SERPINA12: variants seen among roughly 807,000 people sequenced by gnomAD.
The protein encoded by SERPINA12 is serpin family A member 12.
In SERPINA12, 21 loss-of-function variants were observed where a neutral mutation model predicts 25.9. The ratio of observed to expected loss-of-function variants is 0.81; its 90% confidence interval spans 0.58 to 1.17. The LOEUF (loss-of-function observed/expected upper bound fraction) is 1.17, where lower values mean the gene tolerates loss of function less well. SERPINA12 is among the 50% of genes most tolerant of loss of function. SERPINA12 has a pLI of 0.00. For synonymous variants in SERPINA12, 220 were observed against 196.0 expected (o/e 1.12, Z -1.02); for missense variants, 562 against 508.3 (o/e 1.11, Z -1.02).
Position 94,496,367 on chromosome 14 carries a change from C to G in SERPINA12, c.905+6G>C. On this transcript the variant is annotated splice_donor_region_variant and intron_variant, in intron 3 of 4. Coordinates refer to ENST00000677451, the MANE Select transcript of SERPINA12 (RefSeq NM_001382267.1). ...AAAAGCTGCGAGGGCTAGGCACCCA[C>G]TTTACCTGCGTGACAGTAATGTTTT... 1 of 1,614,180 alleles carries G rather than the reference C, an allele frequency of 6.2e-7. No individual in the cohort carries two copies. The highest frequency in any genetic ancestry group is 8.5e-7 in the Non-Finnish European group (1 of 1,180,028).
At chr14:94,507,477 G>A (rs910055861) in intron 1 of SERPINA12, among the ~76,000 whole-genome samples, 2 of 152,204 alleles carry the variant, frequency 1.3e-5, no homozygotes, top group Admixed American at 1.3e-4. Flanking sequence ...GCTCATGCCT[G>A]TTTTTAAGCA....
At chr14:94,512,508 T>C (rs1044352672), upstream of SERPINA12, among the ~76,000 whole-genome samples, 2 of 152,248 alleles carry the variant, frequency 1.3e-5, no homozygotes, top group African/African-American at 4.8e-5. Flanking sequence ...AATTAATTAC[T>C]ATTAATGGGC....
upstream of SERPINA12, chr14:94,511,236 TAC>T (rs377120399): frequency 0.018 from 3,336 of 189,558 alleles, 20 homozygotes; most frequent in South Asian, 0.032. Context: ...ACACCTCATG[TAC>T]ACACACACAC....
intron 3 of SERPINA12, among the ~76,000 whole-genome samples, chr14:94,492,046 T>C (rs897884687): frequency 2.6e-5 from 4 of 151,846 alleles, no homozygotes; most frequent in East Asian, 1.9e-4. Flanking sequence ...CAAAGGAGAT[T>C]GAGGAGGGGA....
chr14:94,490,486 CA>C (rs1332570614), intron 3 of SERPINA12, among the ~76,000 whole-genome samples: 3 of 151,986 alleles, frequency 2.0e-5, no homozygotes, highest in Non-Finnish European at 4.4e-5. Flanking sequence ...CCCACCTACC[CA>C]AGGATCTCAT....
chr14:94,514,409 A>T (rs1901180817), upstream of SERPINA12, among the ~76,000 whole-genome samples: 1 of 152,234 alleles, frequency 6.6e-6, no homozygotes, highest in Admixed American at 6.5e-5. Flanking sequence ...TGGACGCCAC[A>T]GCTACTGGTG....
chr14:94,490,247 A>AT (rs1454633156), intron 3 of SERPINA12, among the ~76,000 whole-genome samples: 1 of 152,130 alleles, frequency 6.6e-6, no homozygotes, highest in East Asian at 1.9e-4. Flanking sequence ...AAGGAAAATG[A>AT]TCACCGTCGC....
intron 3 of SERPINA12, 65 bp downstream of exon 3, chr14:94,496,308 G>A: frequency 1.9e-6 from 3 of 1,556,710 alleles, no homozygotes; most frequent in Non-Finnish European, 2.6e-6. Flanking sequence ...TAAGAGCTCA[G>A]ACAGCAGAAA....
chr14:94,510,657 C>T (rs1901086152), upstream of SERPINA12, among the ~76,000 whole-genome samples: 1 of 152,136 alleles, frequency 6.6e-6, no homozygotes, highest in Non-Finnish European at 1.5e-5. Flanking sequence ...CACATGCACA[C>T]ACATGTTGCG....
At chr14:94,502,604 G>A (rs750228526) in intron 1 of SERPINA12, among the ~76,000 whole-genome samples, 3 of 152,210 alleles carry the variant, frequency 2.0e-5, no homozygotes, top group Non-Finnish European at 2.9e-5. Flanking sequence ...TTTCTTTAGA[G>A]AGAACTCCCC....
Position 94,492,450 on chromosome 14 carries a change from C to T in SERPINA12, c.906-2683G>A, listed in dbSNP as rs140450157. ...GGCCTGCCTGCACAGAAGGCAGACA[C>T]CTGCTTTGTCTTCTTGCATAGAAGC... On this transcript the variant is annotated intron_variant, in intron 3 of 4. Coordinates refer to ENST00000677451, the MANE Select transcript of SERPINA12 (RefSeq NM_001382267.1). 2.6e-5 allele frequency among the ~76,000 whole-genome samples: 4 copies of T among 152,314 alleles called. No individual in the cohort carries two copies. The East Asian group carries it at 7.7e-4, about 29-fold the overall frequency.
At chr14:94,509,997 C>T, upstream of SERPINA12, 1 of 985,426 alleles carries the variant, frequency 1.0e-6, no homozygotes, top group African/African-American at 1.7e-5. Context: ...CTCCCAGGTG[C>T]AGCCTGGGAG....
chr14:94,513,045 A>C (rs552382239), upstream of SERPINA12, among the ~76,000 whole-genome samples: 1 of 152,332 alleles, frequency 6.6e-6, no homozygotes, highest in African/African-American at 2.4e-5. Context: ...AGTGATACCG[A>C]GGGTAGCTCT....
rs893294951 is a variant in SERPINA12, at chr14:94,490,040, C to A, written c.906-273G>T. 5.3e-5 allele frequency among the ~76,000 whole-genome samples: 8 copies of A among 152,232 alleles called. No homozygotes were observed. The East Asian group carries it at 1.5e-3, about 29-fold the overall frequency. ...GTCTCAAGTTCCCCCGTCTCAGAGC[C>A]CCTTCAGCCACAGTCACTGATGATG... On this transcript the variant is annotated intron_variant, in intron 3 of 4. Transcript: ENST00000677451.
intron 3 of SERPINA12, among the ~76,000 whole-genome samples, chr14:94,496,098 G>T (rs898952942): frequency 6.6e-6 from 1 of 151,988 alleles, no homozygotes; most frequent in Non-Finnish European, 1.5e-5. Flanking sequence ...TGAAGACTTG[G>T]CTCAAATGCT....
chr14:94,488,822 C>T (rs1157114552), intron 4 of SERPINA12, among the ~76,000 whole-genome samples: 3 of 152,084 alleles, frequency 2.0e-5, no homozygotes, highest in Non-Finnish European at 2.9e-5. Flanking sequence ...GCCTTGGGCG[C>T]GGTGGCTCAC....
intron 1 of SERPINA12, among the ~76,000 whole-genome samples, chr14:94,502,974 C>T (rs1900791959): frequency 1.3e-5 from 2 of 152,168 alleles, no homozygotes; most frequent in Non-Finnish European, 2.9e-5. Context: ...CTTGGGTAAA[C>T]CCGGTGCCCT....
At chr14:94,514,930 C>T (rs114911684) in intron 2 of SERPINA12, among the ~76,000 whole-genome samples, 2,155 of 152,252 alleles carry the variant, frequency 0.014, 48 homozygotes, top group African/African-American at 0.048. Context: ...ATCAGGGCCC[C>T]GAGGCAGAGG....
intron 3 of SERPINA12, 116 bp downstream of exon 3, chr14:94,496,257 T>C: frequency 1.0e-6 from 1 of 970,870 alleles, no homozygotes; most frequent in Non-Finnish European, 1.6e-6. Context: ...CACCATGATA[T>C]AAGTTTATTA....
Sources: gnomAD v4.1 joint callset for allele counts (sites outside exome capture counted in the v4.1 genomes callset) on GRCh38, gnomAD v4.1.1 for gene constraint, MANE v1.5 for transcripts, NCBI Gene and HGNC (gene_info 2026-07-23, HGNC 2026-07-21) for gene names.